ATP7A: variants seen among roughly 807,000 people sequenced by gnomAD.
The protein encoded by ATP7A is copper-transporting ATPase 1.
In ATP7A, 7 loss-of-function variants were observed where a neutral mutation model predicts 83.5. That is an observed-to-expected ratio of 0.08 (90% CI 0.05 to 0.16). The LOEUF is 0.16. Ranked by LOEUF, ATP7A falls within the 10% of genes least tolerant of loss-of-function variation. The probability of loss-of-function intolerance (pLI) is 1.00; values close to 1 mark genes in which losing one functional copy is unlikely to be tolerated. For synonymous variants in ATP7A, 354 were observed against 395.2 expected, an observed-to-expected ratio of 0.90 and a Z score of 1.24; for missense variants, 940 against 1,120.8, an observed-to-expected ratio of 0.84 and a Z score of 2.30.
intron 1 of ATP7A, among the ~76,000 whole-genome samples, chrX:77,956,730 T>C (rs190002092): frequency 5.1e-4 from 31 of 61,009 alleles, no homozygotes; most frequent in Non-Finnish European, 6.8e-4. Flanking sequence ...CAGTCTCCTT[T>C]CTTTCTTTCT....
chrX:77,969,407 A>C (rs2077531426), intron 1 of ATP7A: 1 of 1,208,571 alleles, frequency 8.3e-7, no homozygotes, highest in African/African-American at 1.7e-5. Flanking sequence ...ACTGGCAGCC[A>C]CATCTGATCA....
intron 16 of ATP7A, among the ~76,000 whole-genome samples, chrX:78,032,081 C>A (rs1295252627): frequency 5.4e-5 from 6 of 112,143 alleles, no homozygotes; most frequent in African/African-American, 1.9e-4. Flanking sequence ...GTTTTTAATG[C>A]ATATAGCCAC....
chrX:78,011,126 C>T lies in ATP7A; in HGVS notation c.1870-50C>T, dbSNP rs782528538. ...TACCATGGCTTAGAATTTCTCTATA[C>T]AATATTTATATGTTCAGTGAAATAA... On this transcript the variant is annotated intron_variant, in intron 7 of 22. Coordinates refer to ENST00000341514, the MANE Select transcript of ATP7A (RefSeq NM_000052.7). The T allele has an allele frequency of 1.9e-5, 20 of 1,072,355 alleles. No homozygotes were observed. In the Admixed American group the frequency reaches 4.4e-4, roughly 24 times the overall value. 88.4% of individuals were successfully genotyped at this position (1,072,355 alleles called of 1,213,427 possible). A position where few individuals can be genotyped will look rare whatever the true frequency, so the allele number is the denominator to read the frequency against.
At chrX:77,919,287 T>C (rs1186354101) in intron 1 of ATP7A, among the ~76,000 whole-genome samples, 3 of 111,337 alleles carry the variant, frequency 2.7e-5, no homozygotes, top group African/African-American at 9.8e-5. Context: ...AGGAAACTTA[T>C]AATGCCACTC....
chrX:77,968,076 C>G (rs1470531406), intron 1 of ATP7A, among the ~76,000 whole-genome samples: 1 of 110,663 alleles, frequency 9.0e-6, no homozygotes. Flanking sequence ...ATTCAGAAAT[C>G]AGTGAAAGAC....
chrX:78,020,484 A>G lies in ATP7A; in HGVS notation c.2781+86A>G, dbSNP rs2077897582. 6 of 1,103,568 alleles carry G rather than the reference A, an allele frequency of 5.4e-6. No homozygotes were observed. In the East Asian group the frequency reaches 1.2e-4, roughly 22 times the overall value. The allele number at this position is 1,103,568 out of a possible 1,213,427, so 90.9% of individuals were successfully genotyped here. On this transcript the variant is annotated intron_variant, in intron 13 of 22. Coordinates refer to ENST00000341514, the MANE Select transcript of ATP7A (RefSeq NM_000052.7). ...CTTCACCTAGTTTTTACGTTTTCCA[A>G]TAAAAATTTTAGTTGCATTAATATG...
intron 1 of ATP7A, among the ~76,000 whole-genome samples, chrX:77,927,748 T>C (rs1467192912): frequency 9.0e-6 from 1 of 111,101 alleles, no homozygotes; most frequent in African/African-American, 3.3e-5. Flanking sequence ...AACTCGTCAT[T>C]TACATTAGGT....
chrX:77,931,838 C>T (rs1557224394), intron 1 of ATP7A, among the ~76,000 whole-genome samples: 2 of 102,088 alleles, frequency 2.0e-5, no homozygotes, highest in Admixed American at 1.0e-4. Context: ...CCCCACCTCC[C>T]TCCCGGACGG....
intron 4 of ATP7A, among the ~76,000 whole-genome samples, chrX:77,991,582 A>G (rs1557232076): frequency 9.0e-6 from 1 of 111,503 alleles, no homozygotes; most frequent in Non-Finnish European, 1.9e-5. Flanking sequence ...TCCTGGGTAT[A>G]TATCTAGGAG....
intron 12 of ATP7A, among the ~76,000 whole-genome samples, chrX:78,020,012 A>G (rs2077894443): frequency 8.9e-6 from 1 of 111,823 alleles, no homozygotes; most frequent in Admixed American, 9.5e-5. Flanking sequence ...CTAGGGTGAA[A>G]CTCTAAAAGT....
At chrX:77,938,908 G>A (rs1160473161) in intron 1 of ATP7A, among the ~76,000 whole-genome samples, 1 of 112,050 alleles carries the variant, frequency 8.9e-6, no homozygotes, top group Non-Finnish European at 1.9e-5. Context: ...CTTTGTATGT[G>A]AGAAAATTTA....
intron 2 of ATP7A, among the ~76,000 whole-genome samples, chrX:77,976,970 A>G (rs1557230381): frequency 9.0e-6 from 1 of 111,234 alleles, no homozygotes; most frequent in African/African-American, 3.3e-5. Flanking sequence ...CCGAACAGGG[A>G]TACGGTTGCC....
chrX:77,966,002 A>G (rs1265938428), intron 1 of ATP7A, among the ~76,000 whole-genome samples: 1 of 112,187 alleles, frequency 8.9e-6, no homozygotes, highest in Non-Finnish European at 1.9e-5. Flanking sequence ...GTGATGACTG[A>G]TAGGTAAGGG....
intron 2 of ATP7A, among the ~76,000 whole-genome samples, chrX:77,983,359 C>A (rs2077615059): frequency 8.9e-6 from 1 of 112,030 alleles, no homozygotes; most frequent in Non-Finnish European, 1.9e-5. Flanking sequence ...AAGGTTCTAG[C>A]TTTCATATTG....
In ATP7A at chrX:78,046,516, C is replaced by T. The variant is rs1557239148; in HGVS notation, c.4449C>T (p.Asp1483=). 1 of 1,211,607 alleles carries T rather than the reference C, an allele frequency of 8.3e-7. No homozygotes were observed. Among genetic ancestry groups the T allele is most frequent in the Admixed American group, 2.2e-5 (1 of 45,991 alleles). The stretch of plus-strand genomic sequence containing the variant: ...ACAGTGTTGTTACCAGTGAACCTGA[C>T]AAGCACTCACTCCTGGTGGGAGACT... ...SLNSVVTSEP[D]KHSLLVGDFR... Residue 1483 remains aspartate (D), a synonymous_variant, in exon 23 of 23, where the codon GAC becomes GAT. Transcript: ENST00000341514.
At chrX:77,954,063 C>T (rs962099243) in intron 1 of ATP7A, among the ~76,000 whole-genome samples, 1 of 111,939 alleles carries the variant, frequency 8.9e-6, no homozygotes, top group Non-Finnish European at 1.9e-5. Context: ...ATGTTCTGTT[C>T]TTTTTTGACC....
At chrX:77,923,362 T>C (rs1315522131) in intron 1 of ATP7A, 2 of 111,287 alleles carry the variant, frequency 1.8e-5, no homozygotes, top group African/African-American at 6.5e-5. Flanking sequence ...CTTTTTATAC[T>C]GCCCATGCTC....
At chrX:77,937,317 T>C (rs974691498) in intron 1 of ATP7A, among the ~76,000 whole-genome samples, 1 of 112,546 alleles carries the variant, frequency 8.9e-6, no homozygotes, top group Admixed American at 9.4e-5. Context: ...TGTTGGCAAG[T>C]GTGCAGAGCA....
At chrX:78,018,663 T>C (rs1393862340) in intron 12 of ATP7A, among the ~76,000 whole-genome samples, 1 of 112,256 alleles carries the variant, frequency 8.9e-6, no homozygotes, top group Non-Finnish European at 1.9e-5. Flanking sequence ...AGTATCTTTA[T>C]AGCAGTGTCC....
Sources: allele counts gnomAD v4.1 joint callset (sites outside exome capture counted in the v4.1 genomes callset), GRCh38; gene constraint gnomAD v4.1.1; transcripts MANE v1.5; gene names NCBI Gene and HGNC (gene_info 2026-07-23, HGNC 2026-07-21).